RARB: variants seen among roughly 807,000 people sequenced by gnomAD.
RARB encodes the protein retinoic acid receptor beta, also known as HBV-activated protein.
In RARB, 17 loss-of-function variants were observed where a neutral mutation model predicts 51.9. That is an observed-to-expected ratio of 0.33 (90% CI 0.22 to 0.49). The LOEUF (loss-of-function observed/expected upper bound fraction) is 0.49. Ranked by LOEUF, RARB falls within the 20% of genes least tolerant of loss-of-function variation. The pLI, the probability that RARB is intolerant of heterozygous loss-of-function variation, is 0.99. For synonymous variants in RARB, 215 were observed against 195.4 expected (o/e 1.10, Z -0.84); for missense variants, 369 against 550.8 (o/e 0.67, Z 3.30).
chr3:25,096,457 T>G (rs1412048769), intron 3 of RARB, among the ~76,000 whole-genome samples: 1 of 152,204 alleles, frequency 6.6e-6, no homozygotes, highest in Non-Finnish European at 1.5e-5. Context: ...ACAGTAGTCA[T>G]TAGTCACCAA....
intron 2 of RARB, among the ~76,000 whole-genome samples, chr3:24,988,536 A>G (rs1696842574): frequency 6.6e-6 from 1 of 152,306 alleles, no homozygotes; most frequent in South Asian, 2.1e-4. Flanking sequence ...ACATAACCCT[A>G]AAGTTGGGAA....
chr3:25,440,774 C>G (rs1008900526), intron 1 of RARB, among the ~76,000 whole-genome samples: 6 of 151,448 alleles, frequency 4.0e-5, no homozygotes, highest in Non-Finnish European at 7.4e-5. Context: ...CACCGTCCCC[C>G]CCAAAAATAA....
At chr3:25,441,211 G>A (rs944228073) in intron 1 of RARB, 17 of 325,308 alleles carry the variant, frequency 5.2e-5, no homozygotes, top group Admixed American at 1.8e-4. Flanking sequence ...ATAACACACA[G>A]GTTAGTGCCC....
At chr3:25,469,171 T>C (rs1280210688) in intron 2 of RARB, among the ~76,000 whole-genome samples, 1 of 152,252 alleles carries the variant, frequency 6.6e-6, no homozygotes, top group Non-Finnish European at 1.5e-5. Context: ...GCTGCTGGGC[T>C]GGGTTTTCCT....
At chr3:25,498,742 A>G (rs924258096) in intron 2 of RARB, among the ~76,000 whole-genome samples, 4 of 152,176 alleles carry the variant, frequency 2.6e-5, no homozygotes, top group African/African-American at 4.8e-5. Flanking sequence ...ACCTTTGTCC[A>G]TACCTCATTT....
At chr3:24,886,589 C>T (rs57515953) in intron 2 of RARB, among the ~76,000 whole-genome samples, 102 of 152,092 alleles carry the variant, frequency 6.7e-4, no homozygotes, top group African/African-American at 2.3e-3. Flanking sequence ...AGACCACAAG[C>T]ACATGCCACC....
intron 5 of RARB, among the ~76,000 whole-genome samples, chr3:25,178,216 G>A (rs1239901609): frequency 3.3e-5 from 5 of 152,118 alleles, no homozygotes; most frequent in African/African-American, 1.2e-4. Context: ...AGCATCTTCT[G>A]TGTGTACATG....
intron 5 of RARB, among the ~76,000 whole-genome samples, chr3:25,336,848 G>C (rs184975425): frequency 1.3e-5 from 2 of 152,090 alleles, no homozygotes; most frequent in Admixed American, 1.3e-4. Flanking sequence ...GCTGTAGAAC[G>C]GCTCACTTGG....
rs146504976 is a variant in RARB, at chr3:24,968,866, A to G, written c.-379-91259A>G. On this transcript the variant is annotated intron_variant, in intron 2 of 11. Transcript: ENST00000383772. ...ATGCAAGGAAACATATGTAAATGAG[A>G]GGTCATTACTCTGTCTACCACAAGG... Among the ~76,000 whole-genome samples, 446 of 152,266 alleles carry G rather than the reference A, an allele frequency of 2.9e-3. 4 individuals carry two copies. The highest frequency in any genetic ancestry group is 0.01 in the African/African-American group (429 of 41,552).
chr3:24,945,793 A>G (rs1695760548), intron 2 of RARB, among the ~76,000 whole-genome samples: 1 of 152,200 alleles, frequency 6.6e-6, no homozygotes, highest in African/African-American at 2.4e-5. Flanking sequence ...CTGAGGCATT[A>G]CTTCTCTCTA....
At chr3:25,214,677 T>TTCCCAAGGGAATTATAAGA (rs1191320415) in intron 5 of RARB, among the ~76,000 whole-genome samples, 1 of 152,178 alleles carries the variant, frequency 6.6e-6, no homozygotes, top group Non-Finnish European at 1.5e-5. Context: ...ATTTACACAG[T>TTCCCAAGGGAATTATAAGA]TCCCAAGGGA....
chr3:25,005,954 T>G (rs979286103), intron 2 of RARB, among the ~76,000 whole-genome samples: 2 of 152,160 alleles, frequency 1.3e-5, no homozygotes, highest in African/African-American at 4.8e-5. Context: ...CCCTTTCTTA[T>G]ATACTCCAGT....
chr3:25,161,351 T>C (rs1035188546), intron 4 of RARB, among the ~76,000 whole-genome samples: 3 of 152,148 alleles, frequency 2.0e-5, no homozygotes, highest in Admixed American at 1.3e-4. Context: ...CTGGCTGATG[T>C]CAAGATTCTT....
rs532868905 is a variant in RARB at position 25,134,739 on chromosome 3, C to T, written c.-280+2531C>T. Among the ~76,000 whole-genome samples the T allele has an allele frequency of 8.6e-5, 13 of 151,516 alleles. No individual in the cohort carries two copies. In the South Asian group the frequency reaches 1.9e-3, roughly 22 times the overall value. On this transcript the variant is annotated intron_variant, in intron 4 of 11. Coordinates refer to the RARB transcript ENST00000383772. Reference sequence around the variant, plus strand: ...ATTAGAATTGAGTGATTTATTTTTTCAAACAGGGTTTATGCTCTTTTCTCA... The same window carrying T: ...ATTAGAATTGAGTGATTTATTTTTTTAAACAGGGTTTATGCTCTTTTCTCA...
At chr3:25,198,490 A>C (rs571986597) in intron 5 of RARB, among the ~76,000 whole-genome samples, 2 of 152,178 alleles carry the variant, frequency 1.3e-5, no homozygotes, top group Non-Finnish European at 2.9e-5. Context: ...GACAACCCAC[A>C]GAATGGGAGA....
At chr3:25,171,189 C>T (rs922841713) in intron 4 of RARB, among the ~76,000 whole-genome samples, 3 of 152,062 alleles carry the variant, frequency 2.0e-5, no homozygotes, top group Admixed American at 2.0e-4. Context: ...GTCCCTACTT[C>T]CTTCCTGTCT....
chr3:25,585,039 G>C (rs1322875217), intron 5 of RARB, among the ~76,000 whole-genome samples: 1 of 151,298 alleles, frequency 6.6e-6, no homozygotes, highest in African/African-American at 2.4e-5. Flanking sequence ...TGTGGGCTCT[G>C]AAACTAGCTT....
chr3:25,350,979 T>C (rs1705550588), intron 5 of RARB, among the ~76,000 whole-genome samples: 1 of 152,206 alleles, frequency 6.6e-6, no homozygotes, highest in African/African-American at 2.4e-5. Flanking sequence ...GTTCCTTTAT[T>C]TGGCCAATTA....
chr3:25,237,425 A>AT (rs1345610940), intron 5 of RARB, among the ~76,000 whole-genome samples: 1 of 151,802 alleles, frequency 6.6e-6, no homozygotes, highest in African/African-American at 2.4e-5. Context: ...TAAATGCCAT[A>AT]TGTTATTTTC....
Sources: allele counts gnomAD v4.1 joint callset (sites outside exome capture counted in the v4.1 genomes callset), GRCh38; gene constraint gnomAD v4.1.1; transcripts MANE v1.5; gene names NCBI Gene and HGNC (gene_info 2026-07-23, HGNC 2026-07-21).